Variants in TMEM184B observed in about 807,000 individuals in gnomAD.
TMEM184B encodes putative MAPK-activating protein FM08.
Under a neutral mutation model 41.8 loss-of-function variants are expected in TMEM184B, and 17 were observed. The ratio of observed to expected loss-of-function variants is 0.41; its 90% confidence interval spans 0.28 to 0.61. The LOEUF (loss-of-function observed/expected upper bound fraction) is 0.61. Among genes scored for constraint, TMEM184B ranks in the 20% least tolerant of loss-of-function variants. The pLI is 0.34. For synonymous variants in TMEM184B, 240 were observed against 229.5 expected, an observed-to-expected ratio of 1.05 and a Z score of -0.41; for missense variants, 393 against 557.8, an observed-to-expected ratio of 0.70 and a Z score of 2.98.
At chr22:38,246,769 A>G (rs1247367309) in intron 2 of TMEM184B, 2 of 1,208,756 alleles carry the variant, frequency 1.7e-6, no homozygotes, top group African/African-American at 3.2e-5. Flanking sequence ...AGAGGAAAAA[A>G]GTAAAAGCTA....
chr22:38,240,349 A>T (rs2091876957), intron 3 of TMEM184B, among the ~76,000 whole-genome samples: 1 of 152,202 alleles, frequency 6.6e-6, no homozygotes, highest in Admixed American at 6.5e-5. Flanking sequence ...TGATAAAGGA[A>T]CTAAAACATT....
At position 38,273,005 on chromosome 22, in the gene TMEM184B, T is replaced by A. The variant is rs925592094; in HGVS notation, c.-180A>T. 1.7e-5 allele frequency: 3 copies of A among 174,056 alleles called. No homozygotes were observed. The highest frequency in any genetic ancestry group is 3.4e-5 in the Non-Finnish European group (3 of 89,010). The allele number at this position is 174,056 out of a possible 1,614,324, so 10.8% of individuals were successfully genotyped here. ...CGCCGCCGGCGCGTCCCGGGCCCAG[T>A]GGAGTGCAGCCGCGGCGCGCATGCG... On this transcript the variant is annotated 5_prime_UTR_variant, in exon 1 of 9. Transcript: ENST00000361906.
At chr22:38,258,142 G>C (rs774589558) in intron 1 of TMEM184B, among the ~76,000 whole-genome samples, 1 of 152,118 alleles carries the variant, frequency 6.6e-6, no homozygotes, top group Non-Finnish European at 1.5e-5. Context: ...TCTGAGACAG[G>C]GAACTGAGTT....
rs1170302492 is a variant in TMEM184B at position 38,245,949 on chromosome 22, C to T, written c.344G>A (p.Arg115His). The part of the protein sequence containing the change: ...DQYYVYFGTV[R>H]DCYEALVIYN... ...CCCATCCTCACCCTCATAGCAGTCG[C>T]GGACGGTGCCGAAGTACACGTAGTA... is the stretch of plus-strand genomic sequence containing the variant. The change falls in exon 3 of 9, where the codon CGC (arginine) becomes CAC (histidine). Residue 115 changes from arginine (R) to histidine (H), a missense_variant. Physicochemically the swap from Arg to His is conservative, Grantham distance 29. This residue lies in a region of TMEM184B where 271 missense variants were observed against 434.1 expected (regional missense o/e 0.62). Coordinates refer to ENST00000361906, the MANE Select transcript of TMEM184B (RefSeq NM_012264.5). The T allele has an allele frequency of 5.6e-6, 9 of 1,611,982 alleles. No individual in the cohort carries two copies. Among genetic ancestry groups the T allele is most frequent in the African/African-American group, 5.3e-5 (4 of 74,954 alleles).
In TMEM184B at chr22:38,272,949, G is replaced by T; in HGVS notation, c.-124C>A. ...GCGGCAGCCGGACTCTGCGGGCGGG[G>T]CGGGCGGCGCCGCAGCCCCGGAGTC... On this transcript the variant is annotated 5_prime_UTR_variant, in exon 1 of 9. Transcript: ENST00000361906. 2.4e-6 allele frequency: 1 copy of T among 424,262 alleles called. No homozygotes were observed. The highest frequency in any genetic ancestry group is 3.1e-6 in the Non-Finnish European group (1 of 317,640). The allele number at this position is 424,262 out of a possible 1,614,324, so 26.3% of individuals were successfully genotyped here.
intron 3 of TMEM184B, chr22:38,231,694 G>A (rs1010317193): frequency 4.7e-6 from 2 of 428,054 alleles, no homozygotes; most frequent in Non-Finnish European, 8.8e-6. Context: ...ACCCTGGGGC[G>A]AAACAGTATT....
chr22:38,269,571 C>T (rs1244208989), intron 1 of TMEM184B, among the ~76,000 whole-genome samples: 2 of 152,080 alleles, frequency 1.3e-5, no homozygotes, highest in African/African-American at 4.8e-5. Context: ...GTGGTTCACA[C>T]CTATAATCTC....
rs776833757 is a variant in TMEM184B, at chr22:38,246,082, A to G, written c.211T>C (p.Cys71Arg). ...CGCTGCTCGTTGGGGCAGCTGTAGCAGCGCAGGTGCATGTAGATCTGGGGG... is the reference window on the plus strand; with the variant it reads ...CGCTGCTCGTTGGGGCAGCTGTAGCGGCGCAGGTGCATGTAGATCTGGGGG... The part of the protein sequence containing the change: ...TCHQIYMHLR[C>R]YSCPNEQRYI... The change falls in exon 3 of 9, where the codon TGC becomes CGC. Residue 71 changes from cysteine (C) to arginine (R), a missense_variant. This residue lies in a region of TMEM184B where 122 missense variants were observed against 123.7 expected (regional missense o/e 0.99). Coordinates refer to ENST00000361906, the MANE Select transcript of TMEM184B (RefSeq NM_012264.5). 3 of 1,611,494 alleles carry G rather than the reference A, an allele frequency of 1.9e-6. No individual in the cohort carries two copies. The highest frequency in any genetic ancestry group is 2.2e-5 in the South Asian group (2 of 91,080).
rs962525855 is a variant in TMEM184B at position 38,247,639 on chromosome 22, G to A, written c.192+131C>T. The A allele has an allele frequency of 2.4e-5, 28 of 1,179,452 alleles. No homozygotes were observed. In the African/African-American group the frequency reaches 3.7e-4, roughly 16 times the overall value. The allele number at this position is 1,179,452 out of a possible 1,614,324, so 73.1% of individuals were successfully genotyped here. A position where few individuals can be genotyped will look rare whatever the true frequency, so the allele number is the denominator to read the frequency against. On this transcript the variant is annotated intron_variant, in intron 2 of 8. Transcript: ENST00000361906. ...CAAACAAGAAGTAGACTTCTATCGA[G>A]GGAAGCCTCTGAGAACAGAGGGCTT...
intron 1 of TMEM184B, among the ~76,000 whole-genome samples, chr22:38,258,335 C>G (rs1419674788): frequency 1.3e-5 from 2 of 148,238 alleles, no homozygotes; most frequent in African/African-American, 5.0e-5. Flanking sequence ...AAGTCTCACT[C>G]TGTCACCCAG....
intron 1 of TMEM184B, among the ~76,000 whole-genome samples, chr22:38,249,602 A>T (rs2092118419): frequency 6.6e-6 from 1 of 152,234 alleles, no homozygotes; most frequent in Admixed American, 6.5e-5. Context: ...ATGAGGACAC[A>T]GGGAGAAGGC....
At position 38,221,368 on chromosome 22, in the gene TMEM184B, A is replaced by G; in HGVS notation, c.*101T>C. Reference sequence around the variant, plus strand: ...TGGTCCAATAAATAAAGGCGGCGTGAGCACTGTGCCAGCTGCCTCCTGGCC... The same window carrying G: ...TGGTCCAATAAATAAAGGCGGCGTGGGCACTGTGCCAGCTGCCTCCTGGCC... On this transcript the variant is annotated 3_prime_UTR_variant, in exon 9 of 9. Coordinates refer to ENST00000361906, the MANE Select transcript of TMEM184B (RefSeq NM_012264.5). 4 of 1,494,804 alleles carry G rather than the reference A, an allele frequency of 2.7e-6. No homozygotes were observed. The South Asian group carries it at 4.1e-5, about 15-fold the overall frequency. The allele number at this position is 1,494,804 out of a possible 1,614,324, so 92.6% of individuals were successfully genotyped here. A position where few individuals can be genotyped will look rare whatever the true frequency, so the allele number is the denominator to read the frequency against.
chr22:38,223,963 G>A (rs1322577032), intron 8 of TMEM184B: 2 of 152,260 alleles, frequency 1.3e-5, no homozygotes, highest in Non-Finnish European at 2.9e-5. Flanking sequence ...GTGGGGCTGG[G>A]TATCAGCACT....
chr22:38,249,908 C>T (rs1012442677), intron 1 of TMEM184B, among the ~76,000 whole-genome samples: 25 of 152,164 alleles, frequency 1.6e-4, no homozygotes, highest in African/African-American at 5.8e-4. Flanking sequence ...GAGAAACACC[C>T]GACAATTTTA....
chr22:38,272,376 C>T (rs1284200320), intron 1 of TMEM184B: 2 of 735,374 alleles, frequency 2.7e-6, no homozygotes, highest in Non-Finnish European at 3.3e-6. Context: ...CCCTTCCAAA[C>T]CTGCGGACCT....
chr22:38,221,869 G>T, intron 8 of TMEM184B, 159 bp from the exon 9 acceptor site: 1 of 1,072,298 alleles, frequency 9.3e-7, no homozygotes, highest in South Asian at 1.7e-5. Flanking sequence ...CAGGATATGA[G>T]AAGGGGCAGG....
intron 2 of TMEM184B, chr22:38,246,963 T>C (rs2092046081): frequency 2.0e-5 from 20 of 990,112 alleles, no homozygotes; most frequent in Non-Finnish European, 2.8e-5. Flanking sequence ...CTAAAAGGGA[T>C]GGGGACACAG....
chr22:38,232,415 T>G (rs1467500209), intron 3 of TMEM184B, among the ~76,000 whole-genome samples: 1 of 152,290 alleles, frequency 6.6e-6, no homozygotes, highest in East Asian at 1.9e-4. Flanking sequence ...TGAAGGCTGC[T>G]GCCTGCAGGG....
At chr22:38,248,534 C>T (rs1225794845) in intron 1 of TMEM184B, among the ~76,000 whole-genome samples, 1 of 152,274 alleles carries the variant, frequency 6.6e-6, no homozygotes, top group Non-Finnish European at 1.5e-5. Flanking sequence ...TCTACCTTGA[C>T]CACCATGAAA....
Sources: gnomAD v4.1 joint callset for allele counts (sites outside exome capture counted in the v4.1 genomes callset) on GRCh38, gnomAD v4.1.1 for gene constraint, gnomAD v4.1.1 regional missense constraint, MANE v1.5 for transcripts, NCBI Gene and HGNC (gene_info 2026-07-23, HGNC 2026-07-21) for gene names.